FOXN3: variants seen among roughly 807,000 people sequenced by gnomAD.
FOXN3 encodes the protein forkhead box protein N3.
A neutral mutation model predicts 38.4 loss-of-function variants in FOXN3; 7 were observed. The ratio of observed to expected loss-of-function variants is 0.18; its 90% CI spans 0.10 to 0.34. The LOEUF (loss-of-function observed/expected upper bound fraction) is 0.34. Among genes scored for constraint, FOXN3 ranks in the 10% least tolerant of loss-of-function variants. The pLI, the probability that FOXN3 is intolerant of heterozygous loss-of-function variation, is 1.00. For missense variants in FOXN3, 456 were observed against 613.4 expected, an observed-to-expected ratio of 0.74 and a Z score of 2.71; for synonymous variants, 230 against 242.2, an observed-to-expected ratio of 0.95 and a Z score of 0.47.
chr14:89,343,344 T>C (rs1241751059), intron 3 of FOXN3, among the ~76,000 whole-genome samples: 1 of 152,122 alleles, frequency 6.6e-6, no homozygotes, highest in Non-Finnish European at 1.5e-5. Context: ...AATTCCCCTA[T>C]CTACTATTCC....
intron 4 of FOXN3, among the ~76,000 whole-genome samples, chr14:89,234,837 T>A (rs2139859054): frequency 6.6e-6 from 1 of 152,260 alleles, no homozygotes; most frequent in Non-Finnish European, 1.5e-5. Flanking sequence ...ATGCTTATGT[T>A]TTCCTGTCTT....
At chr14:89,501,020 T>C (rs1893786304) in intron 1 of FOXN3, among the ~76,000 whole-genome samples, 1 of 152,232 alleles carries the variant, frequency 6.6e-6, no homozygotes, top group African/African-American at 2.4e-5. Flanking sequence ...TATCTCTGCA[T>C]GGAAGACAGT....
chr14:89,527,445 C>T (rs1894455158), intron 1 of FOXN3, among the ~76,000 whole-genome samples: 1 of 152,128 alleles, frequency 6.6e-6, no homozygotes, highest in Admixed American at 6.6e-5. Context: ...AGACAAGTAA[C>T]AGATTGTGAT....
intron 1 of FOXN3, among the ~76,000 whole-genome samples, chr14:89,587,649 C>G (rs138927863): frequency 5.1e-4 from 77 of 152,214 alleles, no homozygotes; most frequent in Middle Eastern, 3.4e-3. Context: ...GGGCAGATCA[C>G]TTGAGGTCAG....
intron 1 of FOXN3, among the ~76,000 whole-genome samples, chr14:89,472,534 C>T (rs1893121706): frequency 6.6e-6 from 1 of 152,010 alleles, no homozygotes; most frequent in Admixed American, 6.5e-5. Context: ...CCTTGGCTAA[C>T]ATGGTGAAAC....
At chr14:89,370,186 G>GA (rs1366882007) in intron 2 of FOXN3, among the ~76,000 whole-genome samples, 1 of 152,048 alleles carries the variant, frequency 6.6e-6, no homozygotes. Flanking sequence ...CACATATGCA[G>GA]AAAAAAAATC....
At position 89,412,022 on chromosome 14, in the gene FOXN3, G is replaced by A. The variant is rs777453527; in HGVS notation, c.455C>T (p.Ala152Val). Reference protein sequence around the residue: ...NWILEHFPYFANAPTGWKNSV... With the variant: ...NWILEHFPYFVNAPTGWKNSV... ...GTTTTTCCACCCAGTAGGTGCATTTGCAAAATACGGAAAATGTTCCAAGAT... is the reference window on the plus strand; with the variant it reads ...GTTTTTCCACCCAGTAGGTGCATTTACAAAATACGGAAAATGTTCCAAGAT... Residue 152 changes from alanine to valine, a missense_variant, in exon 2 of 6, where the codon GCA becomes GTA. Ala to Val is a moderately conservative substitution (Grantham distance 64). This residue lies in a region of FOXN3 where 386 missense variants were observed against 505.2 expected (regional missense o/e 0.76). Transcript: ENST00000557258. The surrounding 1 kb of genome is among the most constrained non-coding windows in gnomAD (Gnocchi z 4.7). The A allele has an allele frequency of 6.2e-7, 1 of 1,612,270 alleles. No individual in the cohort carries two copies. The highest frequency in any genetic ancestry group is 1.1e-5 in the South Asian group (1 of 90,968).
At chr14:89,512,055 A>G (rs1416220100) in intron 1 of FOXN3, among the ~76,000 whole-genome samples, 2 of 152,210 alleles carry the variant, frequency 1.3e-5, no homozygotes, top group African/African-American at 2.4e-5. Context: ...AACCATAAGT[A>G]CAGACCCTTA....
intron 1 of FOXN3, among the ~76,000 whole-genome samples, chr14:89,452,125 C>T (rs1892624666): frequency 6.6e-6 from 1 of 152,104 alleles, no homozygotes; most frequent in Admixed American, 6.6e-5. Flanking sequence ...CAGGGTCATG[C>T]CCTACAACAG....
At chr14:89,522,191 C>A (rs192206763) in intron 1 of FOXN3, among the ~76,000 whole-genome samples, 42 of 149,618 alleles carry the variant, frequency 2.8e-4, no homozygotes. Flanking sequence ...GAATTTTATA[C>A]CCAGTGAAAA....
At chr14:89,564,490 T>C (rs905003415) in intron 1 of FOXN3, among the ~76,000 whole-genome samples, 1 of 152,144 alleles carries the variant, frequency 6.6e-6, no homozygotes, top group Admixed American at 6.5e-5. Flanking sequence ...TCGTTAATAA[T>C]ACATGGACGG....
intron 4 of FOXN3, among the ~76,000 whole-genome samples, chr14:89,245,739 C>CA (rs1885274478): frequency 6.6e-6 from 1 of 151,942 alleles, no homozygotes; most frequent in Non-Finnish European, 1.5e-5. Context: ...CCTTTTTCTC[C>CA]AAAAAAGTGG....
chr14:89,317,264 C>A (rs539148443), intron 3 of FOXN3, among the ~76,000 whole-genome samples: 1 of 152,206 alleles, frequency 6.6e-6, no homozygotes, highest in Non-Finnish European at 1.5e-5. Context: ...CATTCAACAG[C>A]AGCTCACTCA....
intron 4 of FOXN3, among the ~76,000 whole-genome samples, chr14:89,243,299 A>G (rs1352189059): frequency 2.0e-5 from 3 of 152,242 alleles, no homozygotes; most frequent in Admixed American, 6.5e-5. Context: ...ATAAGCAAGC[A>G]TTTACAACAG....
chr14:89,429,982 C>CT (rs918743246), intron 1 of FOXN3, among the ~76,000 whole-genome samples: 3 of 152,078 alleles, frequency 2.0e-5, no homozygotes, highest in East Asian at 1.9e-4. Context: ...CTTCTGTTTA[C>CT]TTTTTTTTAC....
chr14:89,191,080 TA>T (rs892622302), intron 4 of FOXN3, among the ~76,000 whole-genome samples: 23 of 149,546 alleles, frequency 1.5e-4, no homozygotes, highest in South Asian at 1.3e-3. Context: ...TTAATATGGG[TA>T]AAAAAAAAAT....
intron 1 of FOXN3, among the ~76,000 whole-genome samples, chr14:89,580,374 T>C (rs1469989057): frequency 6.6e-6 from 1 of 152,212 alleles, no homozygotes; most frequent in Non-Finnish European, 1.5e-5. Context: ...CCAAAACCTG[T>C]TCTGTGCTCG....
intron 4 of FOXN3, among the ~76,000 whole-genome samples, chr14:89,271,764 T>C (rs1270283218): frequency 6.6e-6 from 1 of 152,236 alleles, no homozygotes. Flanking sequence ...AAGTTTTCAT[T>C]TCCATCTTTT....
chr14:89,359,238 G>C (rs964147551), intron 2 of FOXN3, among the ~76,000 whole-genome samples: 2 of 151,878 alleles, frequency 1.3e-5, no homozygotes, highest in Non-Finnish European at 2.9e-5. Flanking sequence ...GGAGGTTGCA[G>C]TGAGCCGAGA....
Sources: gnomAD v4.1 joint callset for allele counts (sites outside exome capture counted in the v4.1 genomes callset) on GRCh38, gnomAD v4.1.1 for gene constraint, gnomAD v4.1.1 regional missense constraint, Gnocchi (gnomAD v3.1) non-coding constraint, MANE v1.5 for transcripts, NCBI Gene and HGNC (gene_info 2026-07-23, HGNC 2026-07-21) for gene names.